Variants in DENND6B observed in about 807,000 individuals in gnomAD.
DENND6B encodes the protein DENN domain containing 6B, also known as protein DENND6B.
DENND6B carries 73 observed loss-of-function variants against 85.1 expected under a neutral mutation model. The observed-to-expected ratio is 0.86, with a 90% CI of 0.71 to 1.04. The LOEUF (loss-of-function observed/expected upper bound fraction) is 1.04, where lower values mean the gene tolerates loss of function less well. DENND6B is among the 50% of genes least tolerant of loss of function. The pLI, the probability that DENND6B is intolerant of heterozygous loss-of-function variation, is 0.00. For synonymous variants in DENND6B, 357 were observed against 329.3 expected (o/e 1.08, Z -0.91); for missense variants, 715 against 785.8 (o/e 0.91, Z 1.08).
chr22:50,313,295 T>C (rs990017650), intron 16 of DENND6B, 151 bp downstream of exon 16: 4 of 1,222,706 alleles, frequency 3.3e-6, no homozygotes, highest in East Asian at 2.6e-5. Context: ...GCCAGCCACC[T>C]GCCCTGTGGC....
intron 14 of DENND6B, 23 bp from the exon 15 acceptor site, chr22:50,313,747 C>CT: frequency 3.7e-6 from 6 of 1,605,864 alleles, no homozygotes; most frequent in Non-Finnish European, 5.1e-6. Context: ...GAGGGCCAGG[C>CT]CCTTGCTGCG....
chr22:50,319,352 G>A (rs1313018824), intron 1 of DENND6B: 4 of 985,268 alleles, frequency 4.1e-6, no homozygotes, highest in Non-Finnish European at 4.8e-6. Flanking sequence ...CACCTCCCCA[G>A]GCCCCTCTCA....
chr22:50,314,677 CAGA>C lies in DENND6B; in HGVS notation c.902_904del (p.Phe301del). 6.4e-7 allele frequency: 1 copy of C among 1,566,274 alleles called. No individual in the cohort carries two copies. Among genetic ancestry groups the C allele is most frequent in the Non-Finnish European group, 8.6e-7 (1 of 1,156,160 alleles). On this transcript the variant is annotated inframe_deletion, in exon 11 of 20. Transcript: ENST00000413817. ...GGTGAAGTAGGGACGGAAGTCGCAG[CAGA>C]ACCTGAGGGGCTGCAGGCAGCTGTG...
rs2041727508 is a variant in DENND6B at position 50,314,621 on chromosome 22, T to C, written c.961A>G (p.Thr321Ala). The change falls in exon 11 of 20, where the codon ACA becomes GCA. Residue 321 changes from threonine (T) to alanine (A), a missense_variant. By Grantham distance (58) the Thr-to-Ala change is moderately conservative. Transcript: ENST00000413817. Reference sequence around the variant, plus strand: ...GGCACTTACGGGGCCTGCGTGCGTGTGGTGAACTCCTTGAACTCGCTGTCA... The same window carrying C: ...GGCACTTACGGGGCCTGCGTGCGTGCGGTGAACTCCTTGAACTCGCTGTCA... ...IHDSEFKEFT[T>A]RTQAPPNVVL... 6.4e-7 allele frequency: 1 copy of C among 1,564,224 alleles called. No homozygotes were observed. The highest frequency in any genetic ancestry group is 1.2e-5 in the South Asian group (1 of 85,034).
chr22:50,319,109 C>G (rs1353057255), intron 1 of DENND6B, 106 bp from the exon 2 acceptor site: 1 of 1,543,418 alleles, frequency 6.5e-7, no homozygotes, highest in Admixed American at 2.0e-5. Context: ...CAGCATCTGT[C>G]TGTGGGGCGC....
rs986248252 is a variant in DENND6B at position 50,309,199 on chromosome 22, T to G, written c.*2940A>C. 2.6e-5 allele frequency: 4 copies of G among 152,224 alleles called. No individual in the cohort carries two copies. Among genetic ancestry groups the G allele is most frequent in the Non-Finnish European group, 5.9e-5 (4 of 68,044 alleles). The allele number at this position is 152,224 out of a possible 1,614,324, so 9.4% of individuals were successfully genotyped here. ...TCAGCCCCGAGCCCCACTCCAGACC[T>G]GCTCCCAGCCCTTCCCACCCTCTAG... On this transcript the variant is annotated 3_prime_UTR_variant, in exon 20 of 20. Coordinates refer to ENST00000413817, the MANE Select transcript of DENND6B (RefSeq NM_001001794.4).
At chr22:50,324,730 G>C (rs1167148444) in intron 1 of DENND6B, among the ~76,000 whole-genome samples, 1 of 152,160 alleles carries the variant, frequency 6.6e-6, no homozygotes, top group Non-Finnish European at 1.5e-5. Flanking sequence ...AGCCTTCAAA[G>C]TGATTTACTG....
In DENND6B at chr22:50,312,375, C is replaced by T. The variant is rs766966660; in HGVS notation, c.1603G>A (p.Val535Met). 24 of 1,611,730 alleles carry T rather than the reference C, an allele frequency of 1.5e-5. No homozygotes were observed. The highest frequency in any genetic ancestry group is 4.5e-5 in the East Asian group (2 of 44,856). ...WMKDKSEVEV[V>M]DLVLKLREKL... Reference sequence around the variant, plus strand: ...TCACGAAGTTTCAGGACCAGGTCCACGACCTCCACCTCGGACTTGTCTTTC... The same window carrying T: ...TCACGAAGTTTCAGGACCAGGTCCATGACCTCCACCTCGGACTTGTCTTTC... Residue 535 changes from valine to methionine, a missense_variant, in exon 19 of 20, where the codon GTG (valine) becomes ATG (methionine). Val to Met is a conservative substitution (Grantham distance 21). Transcript: ENST00000413817.
At chr22:50,319,361 C>T (rs1045247600) in intron 1 of DENND6B, 2 of 985,292 alleles carry the variant, frequency 2.0e-6, no homozygotes, top group Non-Finnish European at 2.4e-6. Flanking sequence ...AGGCCCCTCT[C>T]AGTAAGAGGC....
intron 16 of DENND6B, 85 bp downstream of exon 16, chr22:50,313,361 C>A: frequency 6.8e-7 from 1 of 1,479,922 alleles, no homozygotes; most frequent in Non-Finnish European, 9.0e-7. Flanking sequence ...CCAGCCACAG[C>A]CTCCTGCTCC....
intron 9 of DENND6B, 101 bp from the exon 10 acceptor site, chr22:50,315,022 T>G (rs1601812221): frequency 6.6e-7 from 1 of 1,509,540 alleles, no homozygotes; most frequent in African/African-American, 1.4e-5. Flanking sequence ...CAGGCACTGG[T>G]GAACACAGCA....
At chr22:50,323,020 CTTTTTT>C (rs386395718) in intron 1 of DENND6B, among the ~76,000 whole-genome samples, 20 of 39,020 alleles carry the variant, frequency 5.1e-4, no homozygotes, top group South Asian at 1.0e-3. Context: ...CCGGCTAATG[CTTTTTT>C]TTTTTTTTTT....
chr22:50,313,162 C>T lies in DENND6B; in HGVS notation c.1348-54G>A, dbSNP rs2147765773. ...GGGAACTCGGCCTCACAGGCCTGCA[C>T]CCGGTACGCTTCCCAGACACACTCC... is the stretch of plus-strand genomic sequence containing the variant. On this transcript the variant is annotated intron_variant, in intron 16 of 19. Coordinates refer to ENST00000413817, the MANE Select transcript of DENND6B (RefSeq NM_001001794.4). 20 of 1,486,346 alleles carry T rather than the reference C, an allele frequency of 1.3e-5. No individual in the cohort carries two copies. In the South Asian group the frequency reaches 2.3e-4, roughly 17 times the overall value. The allele number at this position is 1,486,346 out of a possible 1,614,324, so 92.1% of individuals were successfully genotyped here. A position where few individuals can be genotyped will look rare whatever the true frequency, so the allele number is the denominator to read the frequency against.
At position 50,315,606 on chromosome 22, in the gene DENND6B, A is replaced by ACACACACGCACACACATACT. The variant is rs1491324885; in HGVS notation, c.758+88_758+107dup. On this transcript the variant is annotated intron_variant, in intron 9 of 19. Transcript: ENST00000413817. The stretch of plus-strand genomic sequence containing the variant: ...CACGTGCACACGTGCACTCACGCAG[A>ACACACACGCACACACATACT]CACACACGCACACACATACTCACAC... 1.6e-4 allele frequency: 205 copies of ACACACACGCACACACATACT among 1,291,408 alleles called. 1 individual carries two copies. Among genetic ancestry groups the ACACACACGCACACACATACT allele is most frequent in the Non-Finnish European group, 2.1e-4 (196 of 947,544 alleles). 80.0% of individuals were successfully genotyped at this position (1,291,408 alleles called of 1,614,324 possible). A position where few individuals can be genotyped will look rare whatever the true frequency, so the allele number is the denominator to read the frequency against.
Position 50,314,440 on chromosome 22 carries a change from G to C in DENND6B, c.1032C>G (p.His344Gln), listed in dbSNP as rs749611787. Residue 344 changes from histidine to glutamine, a missense_variant, in exon 12 of 20, where the codon CAC becomes CAG. Physicochemically the swap from His to Gln is conservative, Grantham distance 24 (BLOSUM62 0). Transcript: ENST00000413817. ...TNPFFIKTLQ[H>Q]WPHILRVGEP... Reference sequence around the variant, plus strand: ...CCCCGACTCGGAGGATGTGGGGCCAGTGCTGGAGTGTTTTGATAAAGAAAG... The same window carrying C: ...CCCCGACTCGGAGGATGTGGGGCCACTGCTGGAGTGTTTTGATAAAGAAAG... 1.3e-6 allele frequency: 2 copies of C among 1,565,276 alleles called. No individual in the cohort carries two copies. The highest frequency in any genetic ancestry group is 1.2e-5 in the South Asian group (1 of 85,412).
chr22:50,313,553 T>TGGC, intron 15 of DENND6B, 54 bp from the exon 16 acceptor site: 2 of 698,174 alleles, frequency 2.9e-6, no homozygotes, highest in East Asian at 7.6e-5. Flanking sequence ...CCCAGCCCCA[T>TGGC]CCCCCGCAGC....
At position 50,318,898 on chromosome 22, in the gene DENND6B, T is replaced by C; in HGVS notation, c.217-9A>G. The stretch of plus-strand genomic sequence containing the variant: ...TAGCAGATGCTGCTTTTCTGAAACA[T>C]ATAAAACCCCGGTGAGGGCCGACCC... On this transcript the variant is annotated splice_polypyrimidine_tract_variant and intron_variant, in intron 2 of 19. Transcript: ENST00000413817. The C allele has an allele frequency of 1.2e-6, 2 of 1,612,790 alleles. No homozygotes were observed. The highest frequency in any genetic ancestry group is 1.3e-5 in the African/African-American group (1 of 74,972).
At chr22:50,319,717 T>A (rs1414784175) in intron 1 of DENND6B, among the ~76,000 whole-genome samples, 1 of 151,646 alleles carries the variant, frequency 6.6e-6, no homozygotes, top group Non-Finnish European at 1.5e-5. Context: ...TTTGCTCAGA[T>A]GCAGGCCCAG....
rs68178377 is a variant in DENND6B, at chr22:50,313,721, C to T, written c.1207G>A (p.Val403Met). 0.3 allele frequency: 479,658 copies of T among 1,600,804 alleles called. 73,840 individuals are homozygous for T. The highest frequency in any genetic ancestry group is 0.42 in the South Asian group (37,639 of 89,272). ...ACATCTGACGGCCGCTTCTTCTGCA[C>T]GCCCTGCAGGGGAGAGAGGGCCAGG... Reference protein sequence around the residue: ...KALLKRLLKGVQKKRPSDVQS... With the variant: ...KALLKRLLKGMQKKRPSDVQS... Residue 403 changes from valine (V) to methionine (M), a missense_variant, in exon 15 of 20, where the codon GTG becomes ATG. Transcript: ENST00000413817.
Sources: allele counts gnomAD v4.1 joint callset (sites outside exome capture counted in the v4.1 genomes callset), GRCh38; gene constraint gnomAD v4.1.1; transcripts MANE v1.5; gene names NCBI Gene and HGNC (gene_info 2026-07-23, HGNC 2026-07-21).